Variants in WFDC13 observed in about 807,000 individuals in gnomAD.
The protein encoded by WFDC13 is WAP four-disulfide core domain protein 13.
WFDC13 carries 6 observed loss-of-function variants against 10.9 expected under a neutral mutation model. The observed-to-expected ratio is 0.55, with a 90% confidence interval of 0.30 to 1.09. WFDC13 has a LOEUF of 1.09. Ranked by LOEUF, WFDC13 falls within the 50% of genes least tolerant of loss-of-function variation. The probability of loss-of-function intolerance (pLI) is 0.06; values close to 1 mark genes in which losing one functional copy is unlikely to be tolerated. For synonymous variants in WFDC13, 38 were observed against 39.5 expected (o/e 0.96, Z 0.14); for missense variants, 104 against 109.6 (o/e 0.95, Z 0.23).
chr20:45,704,258 C>A (rs192685876), intron 1 of WFDC13, among the ~76,000 whole-genome samples, 186 bp from the exon 2 acceptor site: 1 of 152,308 alleles, frequency 6.6e-6, no homozygotes, highest in East Asian at 1.9e-4. Context: ...AATATCCATG[C>A]CCTGCTTCCC....
At chr20:45,703,399 T>A (rs918119202) in intron 1 of WFDC13, among the ~76,000 whole-genome samples, 1 of 152,236 alleles carries the variant, frequency 6.6e-6, no homozygotes, top group East Asian at 1.9e-4. Flanking sequence ...ACTACAGTTA[T>A]AGTCATGACC....
At chr20:45,706,097 C>T (rs1464717888) in intron 3 of WFDC13, among the ~76,000 whole-genome samples, 170 bp downstream of exon 3, 2 of 152,132 alleles carry the variant, frequency 1.3e-5, no homozygotes, top group Non-Finnish European at 2.9e-5. Flanking sequence ...CTTTGCACTC[C>T]CTGGGGGAGG....
chr20:45,704,367 T>G, intron 1 of WFDC13, 77 bp from the exon 2 acceptor site: 1 of 1,525,946 alleles, frequency 6.6e-7, no homozygotes, highest in Non-Finnish European at 8.8e-7. Flanking sequence ...TTCCTGGCAG[T>G]TCCCTGGGCT....
intron 1 of WFDC13, among the ~76,000 whole-genome samples, chr20:45,703,510 C>T (rs1305889580): frequency 2.6e-5 from 4 of 152,086 alleles, no homozygotes. Context: ...CCTCTATTTG[C>T]AATAGAATGC....
At chr20:45,705,949 C>G (rs232290) in intron 3 of WFDC13, 22 bp downstream of exon 3, 776,311 of 1,605,120 alleles carry the variant, frequency 0.48, 198,390 homozygotes, top group African/African-American at 0.83. Context: ...GATTTGGTCT[C>G]GCCTTCCTCA....
At chr20:45,704,992 C>A in intron 2 of WFDC13, 2 of 1,614,140 alleles carry the variant, frequency 1.2e-6, no homozygotes, top group Non-Finnish European at 1.7e-6. Context: ...AAGACACCAT[C>A]CTTTGGCCAC....
intron 1 of WFDC13, among the ~76,000 whole-genome samples, chr20:45,704,139 C>G (rs1304605372): frequency 1.3e-5 from 2 of 152,206 alleles, no homozygotes; most frequent in Non-Finnish European, 2.9e-5. Context: ...ACCATTGATA[C>G]CCTTGATATG....
intron 1 of WFDC13, among the ~76,000 whole-genome samples, chr20:45,702,931 G>A (rs539591548): frequency 3.9e-5 from 6 of 152,322 alleles, no homozygotes; most frequent in Admixed American, 3.9e-4. Context: ...AGGGATAAGT[G>A]TGGTAGCTCA....
intron 2 of WFDC13, 70 bp downstream of exon 2, chr20:45,704,664 C>T: frequency 8.3e-6 from 13 of 1,569,146 alleles, no homozygotes; most frequent in Non-Finnish European, 1.1e-5. Flanking sequence ...GAGTCCCTTA[C>T]CAGCAACTGT....
chr20:45,706,771 CA>C (rs11362047), intron 3 of WFDC13, among the ~76,000 whole-genome samples: 83,386 of 138,030 alleles, frequency 0.6, 26,224 homozygotes, highest in African/African-American at 0.87. Flanking sequence ...GACTCCGTCT[CA>C]AAAAAAAAAA....
intron 2 of WFDC13, chr20:45,704,912 C>CTG: frequency 6.2e-7 from 1 of 1,613,668 alleles, no homozygotes; most frequent in Non-Finnish European, 8.5e-7. Context: ...CCCAGGGACA[C>CTG]TGTACCTGCA....
chr20:45,705,476 G>A (rs1984354689), intron 2 of WFDC13, among the ~76,000 whole-genome samples: 1 of 152,204 alleles, frequency 6.6e-6, no homozygotes. Flanking sequence ...TCTTAGACAA[G>A]CTAATTAACC....
chr20:45,704,243 CA>C (rs1600968420), intron 1 of WFDC13, among the ~76,000 whole-genome samples, 200 bp from the exon 2 acceptor site: 1 of 152,270 alleles, frequency 6.6e-6, no homozygotes, highest in African/African-American at 2.4e-5. Flanking sequence ...TGTTCTTGAT[CA>C]AAAAATATCC....
rs1984500392 is a variant in WFDC13, at chr20:45,708,800, ATTCAC to A, written c.*968_*972del. On this transcript the variant is annotated 3_prime_UTR_variant, in exon 4 of 4. Coordinates refer to ENST00000305479, the MANE Select transcript of WFDC13 (RefSeq NM_172005.2). The stretch of plus-strand genomic sequence containing the variant: ...AATTTCTTTTTCATTTCAAATAAAT[ATTCAC>A]TTACGTGTCTAATTTTGTATTAGTA... The A allele has an allele frequency of 6.6e-6, 1 of 152,242 alleles. No individual in the cohort carries two copies. Among genetic ancestry groups the A allele is most frequent in the Admixed American group, 6.5e-5 (1 of 15,284 alleles). 9.4% of individuals were successfully genotyped at this position (152,242 alleles called of 1,614,324 possible).
At chr20:45,706,063 C>T (rs1984379205) in intron 3 of WFDC13, 136 bp downstream of exon 3, 2 of 707,138 alleles carry the variant, frequency 2.8e-6, no homozygotes, top group Non-Finnish European at 4.8e-6. Flanking sequence ...GCCTCCTCCT[C>T]CATCATTCCC....
intron 3 of WFDC13, among the ~76,000 whole-genome samples, chr20:45,706,482 A>G (rs556822518): frequency 6.6e-6 from 1 of 152,204 alleles, no homozygotes; most frequent in Admixed American, 6.5e-5. Context: ...CTCTGAAAAA[A>G]GAGGGAGTGG....
chr20:45,708,019 GC>G lies in WFDC13; in HGVS notation c.*188del, dbSNP rs1984462628. 6.6e-6 allele frequency: 1 copy of G among 152,126 alleles called. No individual in the cohort carries two copies. The highest frequency in any genetic ancestry group is 2.4e-5 in the African/African-American group (1 of 41,404). The allele number at this position is 152,126 out of a possible 1,614,324, so 9.4% of individuals were successfully genotyped here. A position where few individuals can be genotyped will look rare whatever the true frequency, so the allele number is the denominator to read the frequency against. ...AAGCTTTAGGTCAACACTTGCAAGA[GC>G]CCCTTCCAAAGCTCAGCACAGTTTC... On this transcript the variant is annotated 3_prime_UTR_variant, in exon 4 of 4. Coordinates refer to ENST00000305479, the MANE Select transcript of WFDC13 (RefSeq NM_172005.2).
Position 45,702,203 on chromosome 20 carries a change from G to T in WFDC13, c.80G>T (p.Arg27Leu). The T allele has an allele frequency of 1.2e-6, 2 of 1,611,992 alleles. No individual in the cohort carries two copies. The highest frequency in any genetic ancestry group is 1.7e-6 in the Non-Finnish European group (2 of 1,179,186). ...LQLVPGSPKQ[R>L]VLKYILEPPP... ...CTGGTGCCTGGGAGTCCCAAGCAGC[G>T]TGTTCTGAGTAGGTGCTGGATCTGG... The change falls in exon 1 of 4, where the codon CGT (arginine) becomes CTT (leucine). Residue 27 changes from arginine to leucine, a missense_variant. By Grantham distance (102) the Arg-to-Leu change is moderately radical. Coordinates refer to ENST00000305479, the MANE Select transcript of WFDC13 (RefSeq NM_172005.2).
At chr20:45,707,667 C>T (rs1270882624) in intron 3 of WFDC13, among the ~76,000 whole-genome samples, 191 bp from the exon 4 acceptor site, 1 of 152,184 alleles carries the variant, frequency 6.6e-6, no homozygotes, top group East Asian at 1.9e-4. Flanking sequence ...TGACAGAGGA[C>T]ACCCTCTATG....
Sources: gnomAD v4.1 joint callset for allele counts (sites outside exome capture counted in the v4.1 genomes callset) on GRCh38, gnomAD v4.1.1 for gene constraint, MANE v1.5 for transcripts, NCBI Gene and HGNC (gene_info 2026-07-23, HGNC 2026-07-21) for gene names.